The following NCALD variants were observed in gnomAD, a reference collection of about 807,000 sequenced individuals.
NCALD encodes neurocalcin-delta.
Under a neutral mutation model 18.6 loss-of-function variants are expected in NCALD, and 10 were observed. The ratio of observed to expected loss-of-function variants is 0.54; its 90% confidence interval spans 0.33 to 0.91. The LOEUF is 0.91. NCALD is among the 40% of genes least tolerant of loss of function. The probability of loss-of-function intolerance (pLI) is 0.03; values close to 1 mark genes in which losing one functional copy is unlikely to be tolerated. For synonymous variants in NCALD, 88 were observed against 87.4 expected (o/e 1.01, Z -0.04); for missense variants, 184 against 247.6 (o/e 0.74, Z 1.72).
chr8:101,820,680 T>TA (rs969211131), intron 4 of NCALD, among the ~76,000 whole-genome samples: 5 of 152,092 alleles, frequency 3.3e-5, no homozygotes, highest in Non-Finnish European at 4.4e-5. Context: ...GGATAGGCTG[T>TA]AAAAAAAATT....
chr8:102,015,966 G>A (rs1822069959), intron 2 of NCALD, among the ~76,000 whole-genome samples: 1 of 152,090 alleles, frequency 6.6e-6, no homozygotes, highest in Non-Finnish European at 1.5e-5. Context: ...CTGGAGACTG[G>A]GGAGTTCTCC....
chr8:101,861,558 C>G (rs506026), intron 4 of NCALD, among the ~76,000 whole-genome samples: 53,328 of 151,078 alleles, frequency 0.35, 10,983 homozygotes, highest in African/African-American at 0.56. Context: ...AAAAAAAAAA[C>G]CAAAAACAAA....
intron 4 of NCALD, among the ~76,000 whole-genome samples, chr8:101,864,485 G>A (rs1278691319): frequency 6.6e-6 from 1 of 151,958 alleles, no homozygotes; most frequent in East Asian, 1.9e-4. Context: ...AGGTGAGACA[G>A]GCATTTTAAG....
intron 1 of NCALD, among the ~76,000 whole-genome samples, chr8:101,728,283 C>T (rs542846885): frequency 7.2e-5 from 11 of 152,110 alleles, no homozygotes; most frequent in African/African-American, 2.7e-4. Context: ...TGCATTTCTG[C>T]GATTCCTCAT....
At chr8:102,100,431 T>G (rs1587081449) in intron 1 of NCALD, among the ~76,000 whole-genome samples, 2 of 152,144 alleles carry the variant, frequency 1.3e-5, no homozygotes, top group East Asian at 3.8e-4. Context: ...TTTTTCAATG[T>G]TTTTCAATGC....
intron 1 of NCALD, among the ~76,000 whole-genome samples, chr8:102,073,330 A>G (rs531852921): frequency 2.0e-5 from 3 of 152,166 alleles, no homozygotes; most frequent in Non-Finnish European, 4.4e-5. Context: ...TCACCCTTTT[A>G]TAAGAATATT....
intron 2 of NCALD, among the ~76,000 whole-genome samples, chr8:101,694,845 A>T (rs574719408): frequency 6.6e-6 from 1 of 152,162 alleles, no homozygotes; most frequent in Admixed American, 6.5e-5. Context: ...GGCCGGAGAG[A>T]TGGAGCTGTT....
chr8:101,746,167 C>T (rs1810417101), intron 1 of NCALD, among the ~76,000 whole-genome samples: 1 of 152,148 alleles, frequency 6.6e-6, no homozygotes, highest in South Asian at 2.1e-4. Flanking sequence ...AGAATTCAGG[C>T]CTCCAGTGAA....
chr8:101,693,318 GTTTTTTTTTTTTTTTTTT>G lies in NCALD; in HGVS notation c.379-440_379-423del, dbSNP rs71276999. 5.0e-4 allele frequency: 30 copies of G among 60,044 alleles called. No homozygotes were observed. The East Asian group carries it at 5.5e-3, about 11-fold the overall frequency. The allele number at this position is 60,044 out of a possible 1,614,324, so 3.7% of individuals were successfully genotyped here. A position where few individuals can be genotyped will look rare whatever the true frequency, so the allele number is the denominator to read the frequency against. ...AGAGGTACTCCCCACCACACAGGGC[GTTTTTTTTTTTTTTTTTT>G]TTTTTTTTTTTTTTTCTGTACAGAC... On this transcript the variant is annotated intron_variant, in intron 2 of 3. Coordinates refer to ENST00000220931, the MANE Select transcript of NCALD (RefSeq NM_032041.3).
chr8:101,992,612 A>G (rs1402375808), intron 2 of NCALD, among the ~76,000 whole-genome samples: 1 of 152,176 alleles, frequency 6.6e-6, no homozygotes, highest in Non-Finnish European at 1.5e-5. Context: ...TGTCCCAATT[A>G]TAAACGGGAA....
At chr8:101,996,403 C>A (rs1821240938) in intron 2 of NCALD, among the ~76,000 whole-genome samples, 1 of 152,202 alleles carries the variant, frequency 6.6e-6, no homozygotes, top group African/African-American at 2.4e-5. Flanking sequence ...TATAAACTAA[C>A]CAAGGACACA....
chr8:101,692,500 A>C, intron 3 of NCALD: 1 of 985,480 alleles, frequency 1.0e-6, no homozygotes, highest in Non-Finnish European at 1.2e-6. Context: ...GTCTGTGCTA[A>C]CAATGGTTTC....
intron 1 of NCALD, among the ~76,000 whole-genome samples, chr8:102,097,403 A>G (rs2132398964): frequency 6.6e-6 from 1 of 152,270 alleles, no homozygotes; most frequent in South Asian, 2.1e-4. Context: ...AAAGTCCCCC[A>G]CACCCAGTTC....
chr8:101,785,327 C>T (rs1812181543), intron 1 of NCALD, among the ~76,000 whole-genome samples: 1 of 152,192 alleles, frequency 6.6e-6, no homozygotes, highest in Non-Finnish European at 1.5e-5. Flanking sequence ...CAGCAGTTCA[C>T]ATTATTGAGT....
At chr8:101,854,768 C>T (rs1337828915) in intron 4 of NCALD, among the ~76,000 whole-genome samples, 4 of 152,120 alleles carry the variant, frequency 2.6e-5, no homozygotes, top group Non-Finnish European at 5.9e-5. Context: ...CATCATATAG[C>T]TTTAAAAAAT....
intron 2 of NCALD, among the ~76,000 whole-genome samples, chr8:101,701,100 G>A (rs1181179829): frequency 6.6e-6 from 1 of 152,220 alleles, no homozygotes; most frequent in Non-Finnish European, 1.5e-5. Flanking sequence ...CCCCCAGAGT[G>A]AGTGGGTGAC....
At chr8:102,029,830 G>A (rs777340398) in intron 1 of NCALD, among the ~76,000 whole-genome samples, 11 of 152,176 alleles carry the variant, frequency 7.2e-5, no homozygotes, top group Non-Finnish European at 1.5e-4. Flanking sequence ...TCCTTCTACT[G>A]CTCTCAAAGA....
intron 3 of NCALD, among the ~76,000 whole-genome samples, chr8:101,904,553 T>C (rs970077597): frequency 6.6e-6 from 1 of 152,098 alleles, no homozygotes; most frequent in African/African-American, 2.4e-5. Context: ...CTCTTACATC[T>C]TCAGGATACC....
intron 3 of NCALD, among the ~76,000 whole-genome samples, chr8:101,887,768 C>G (rs932389821): frequency 2.0e-5 from 3 of 151,872 alleles, no homozygotes; most frequent in Non-Finnish European, 4.4e-5. Context: ...TAACAGAAAA[C>G]CCAGCTCAAA....
Sources: gnomAD v4.1 joint callset for allele counts (sites outside exome capture counted in the v4.1 genomes callset) on GRCh38, gnomAD v4.1.1 for gene constraint, MANE v1.5 for transcripts, NCBI Gene and HGNC (gene_info 2026-07-23, HGNC 2026-07-21) for gene names.